TOM1L2: variants seen among roughly 807,000 people sequenced by gnomAD.
The protein encoded by TOM1L2 is target of myb1 like 2 membrane trafficking protein.
TOM1L2 carries 31 observed loss-of-function variants against 67.9 expected under a neutral mutation model. That is an observed-to-expected ratio of 0.46 (90% CI 0.34 to 0.62). The LOEUF (loss-of-function observed/expected upper bound fraction) is 0.62, where lower values mean the gene tolerates loss of function less well. Among genes scored for constraint, TOM1L2 ranks in the 20% least tolerant of loss-of-function variants. The probability of loss-of-function intolerance (pLI) is 0.01; values close to 1 mark genes in which losing one functional copy is unlikely to be tolerated. For synonymous variants in TOM1L2, 256 were observed against 254.0 expected (o/e 1.01, Z -0.07); for missense variants, 606 against 663.5 (o/e 0.91, Z 0.95).
At chr17:17,876,658 T>C (rs1039199527) in intron 7 of TOM1L2, among the ~76,000 whole-genome samples, 2 of 152,154 alleles carry the variant, frequency 1.3e-5, no homozygotes, top group Admixed American at 6.5e-5. Context: ...AAGGTGCAAG[T>C]GATCACTCCA....
At chr17:17,878,028 C>G (rs191340185) in intron 7 of TOM1L2, among the ~76,000 whole-genome samples, 1 of 152,236 alleles carries the variant, frequency 6.6e-6, no homozygotes, top group Non-Finnish European at 1.5e-5. Context: ...GCAAATCCCC[C>G]CTGTCAGCAG....
chr17:17,937,885 C>T (rs1048540612), intron 1 of TOM1L2, among the ~76,000 whole-genome samples: 2 of 152,320 alleles, frequency 1.3e-5, no homozygotes, highest in East Asian at 1.9e-4. Flanking sequence ...AGACAGCTCC[C>T]GCATTGGTCT....
chr17:17,943,705 T>C (rs147297445), intron 1 of TOM1L2, among the ~76,000 whole-genome samples: 1 of 152,182 alleles, frequency 6.6e-6, no homozygotes, highest in East Asian at 1.9e-4. Context: ...GAAAATCTGA[T>C]CTCATCTTCC....
intron 4 of TOM1L2, among the ~76,000 whole-genome samples, chr17:17,887,681 G>T (rs191405567): frequency 6.6e-6 from 1 of 152,230 alleles, no homozygotes; most frequent in East Asian, 1.9e-4. Flanking sequence ...TCATCATGTG[G>T]CCTAGGCTGG....
chr17:17,861,738 G>T (rs933032297), intron 11 of TOM1L2, among the ~76,000 whole-genome samples, 187 bp from the exon 12 acceptor site: 12 of 152,156 alleles, frequency 7.9e-5, no homozygotes, highest in Admixed American at 2.6e-4. Flanking sequence ...TGCAGTGGAT[G>T]CTAGGAGGCC....
At chr17:17,945,078 C>G (rs1289595015) in intron 1 of TOM1L2, among the ~76,000 whole-genome samples, 1 of 152,184 alleles carries the variant, frequency 6.6e-6, no homozygotes, top group African/African-American at 2.4e-5. Context: ...ACCAAAATAG[C>G]TCATCTGACC....
intron 5 of TOM1L2, among the ~76,000 whole-genome samples, chr17:17,883,553 T>C (rs1434867225): frequency 1.3e-5 from 2 of 152,044 alleles, no homozygotes; most frequent in Non-Finnish European, 2.9e-5. Flanking sequence ...GCTAACACAA[T>C]GAAACCCTGT....
chr17:17,898,469 G>C, intron 3 of TOM1L2, 127 bp downstream of exon 3: 1 of 924,708 alleles, frequency 1.1e-6, no homozygotes, highest in Non-Finnish European at 1.8e-6. Flanking sequence ...CTGGACTCCA[G>C]TGGCCCAGGC....
chr17:17,905,241 G>T (rs926074643), intron 2 of TOM1L2, among the ~76,000 whole-genome samples: 3 of 152,168 alleles, frequency 2.0e-5, no homozygotes, highest in Non-Finnish European at 4.4e-5. Flanking sequence ...ATCCAGTGCA[G>T]GCCACTGCCC....
intron 1 of TOM1L2, among the ~76,000 whole-genome samples, chr17:17,934,367 A>G (rs8066865): frequency 0.018 from 2,686 of 152,232 alleles, 87 homozygotes; most frequent in African/African-American, 0.061. Flanking sequence ...GTATCACTTG[A>G]GCCCGGGGAT....
intron 1 of TOM1L2, among the ~76,000 whole-genome samples, chr17:17,911,716 G>A (rs2039359373): frequency 6.7e-6 from 1 of 149,434 alleles, no homozygotes; most frequent in African/African-American, 2.5e-5. Flanking sequence ...GGATTTGGCA[G>A]GGTCATAGGA....
In TOM1L2 at chr17:17,889,530, T is replaced by C. The variant is rs112582045; in HGVS notation, c.366+4131A>G. ...ATCCTCAGGGCAACCAAAGGGGCAGTGGGCTTTGGCCAGCAGCTGGTAATC... is the reference window on the plus strand; with the variant it reads ...ATCCTCAGGGCAACCAAAGGGGCAGCGGGCTTTGGCCAGCAGCTGGTAATC... On this transcript the variant is annotated intron_variant, in intron 4 of 14. Transcript: ENST00000379504. Among the ~76,000 whole-genome samples the C allele has an allele frequency of 8.4e-3, 1,273 of 152,256 alleles. 19 individuals are homozygous for C. Among genetic ancestry groups the C allele is most frequent in the African/African-American group, 0.029 (1,225 of 41,550 alleles).
intron 6 of TOM1L2, among the ~76,000 whole-genome samples, chr17:17,880,907 G>C (rs550391828): frequency 8.5e-5 from 13 of 152,260 alleles, no homozygotes; most frequent in African/African-American, 3.1e-4. Flanking sequence ...TCTCTCCCCA[G>C]TGAAGCCTTT....
intron 5 of TOM1L2, among the ~76,000 whole-genome samples, chr17:17,884,381 G>T (rs1471671179): frequency 6.6e-6 from 1 of 152,104 alleles, no homozygotes; most frequent in African/African-American, 2.4e-5. Context: ...CGCCCAAGTA[G>T]CCATTTCCAT....
At chr17:17,925,127 A>T (rs985640619) in intron 1 of TOM1L2, among the ~76,000 whole-genome samples, 8 of 152,220 alleles carry the variant, frequency 5.3e-5, no homozygotes, top group Non-Finnish European at 1.2e-4. Flanking sequence ...CCTCAGAAGC[A>T]GCTGCCAGTA....
At chr17:17,913,753 C>A (rs971233104) in intron 1 of TOM1L2, among the ~76,000 whole-genome samples, 6 of 152,106 alleles carry the variant, frequency 3.9e-5, no homozygotes, top group African/African-American at 1.2e-4. Context: ...TGCCTTTGAA[C>A]CCTTCCCCAG....
chr17:17,903,564 G>C (rs1201166689), intron 2 of TOM1L2, among the ~76,000 whole-genome samples: 1 of 148,390 alleles, frequency 6.7e-6, no homozygotes, highest in African/African-American at 2.5e-5. Flanking sequence ...AGTGAGCCGA[G>C]ATCGCGCCAC....
At chr17:17,855,841 T>C (rs1237347415) in intron 12 of TOM1L2, among the ~76,000 whole-genome samples, 1 of 152,210 alleles carries the variant, frequency 6.6e-6, no homozygotes, top group Admixed American at 6.5e-5. Flanking sequence ...CTAAAAGCCT[T>C]TGATCTCACT....
intron 12 of TOM1L2, chr17:17,858,118 G>A (rs1360088561): frequency 9.3e-6 from 3 of 321,212 alleles, no homozygotes; most frequent in African/African-American, 2.1e-5. Flanking sequence ...ATCACAGAAG[G>A]TTGACCAGAG....
Sources: allele counts gnomAD v4.1 joint callset (sites outside exome capture counted in the v4.1 genomes callset), GRCh38; gene constraint gnomAD v4.1.1; transcripts MANE v1.5; gene names NCBI Gene and HGNC (gene_info 2026-07-23, HGNC 2026-07-21).